The following HSD17B12 variants were observed in gnomAD, a reference collection of about 807,000 sequenced individuals.
The protein encoded by HSD17B12 is hydroxysteroid 17-beta dehydrogenase 12.
Under a neutral mutation model 39.3 loss-of-function variants are expected in HSD17B12, and 32 were observed. That is an observed-to-expected ratio of 0.81 (90% CI 0.61 to 1.09). The LOEUF (loss-of-function observed/expected upper bound fraction) is 1.09, where lower values mean the gene tolerates loss of function less well. Among genes scored for constraint, HSD17B12 ranks in the 50% least tolerant of loss-of-function variants. The pLI is 0.00. For missense variants in HSD17B12, 342 were observed against 382.9 expected (o/e 0.89, Z 0.89); for synonymous variants, 150 against 146.7 (o/e 1.02, Z -0.16).
At chr11:43,580,737 C>T in the HSD17B12 span, among the ~76,000 whole-genome samples, 8 of 151,730 alleles carry the variant, frequency 5.3e-5, no homozygotes, top group Admixed American at 4.6e-4. Flanking sequence ...TTGGCAACAA[C>T]AATATTTTAA....
At chr11:43,616,407 T>TAAA in the HSD17B12 span, among the ~76,000 whole-genome samples, 93 of 63,560 alleles carry the variant, frequency 1.5e-3, 4 homozygotes, top group Non-Finnish European at 1.8e-3. Context: ...AGACTCCATC[T>TAAA]AAAAAAAAAA....
intron 6 of HSD17B12, among the ~76,000 whole-genome samples, chr11:43,822,258 T>C (rs1387940831): frequency 6.6e-6 from 1 of 152,236 alleles, no homozygotes; most frequent in Non-Finnish European, 1.5e-5. Context: ...TTGCTTTATT[T>C]GGGAATGGGG....
chr11:43,559,904 A>T, the HSD17B12 span, among the ~76,000 whole-genome samples: 1 of 152,172 alleles, frequency 6.6e-6, no homozygotes, highest in African/African-American at 2.4e-5. Flanking sequence ...TGGTTATAGA[A>T]TTCATGGAAC....
the HSD17B12 span, among the ~76,000 whole-genome samples, chr11:43,663,379 C>T: frequency 2.0e-5 from 3 of 152,126 alleles, no homozygotes; most frequent in Admixed American, 6.5e-5. Flanking sequence ...AGATTACTGG[C>T]GTGAGCCACC....
At chr11:43,777,112 T>C (rs1176319448) in intron 3 of HSD17B12, among the ~76,000 whole-genome samples, 10 of 152,158 alleles carry the variant, frequency 6.6e-5, no homozygotes, top group Middle Eastern at 3.4e-3. Flanking sequence ...TCCATATGAA[T>C]TTTAAAGTAG....
chr11:43,685,990 T>C (rs1949794554), intron 1 of HSD17B12, among the ~76,000 whole-genome samples: 3 of 152,318 alleles, frequency 2.0e-5, no homozygotes, highest in Admixed American at 6.5e-5. Flanking sequence ...AATCTTGTCG[T>C]ATGAGAAAAT....
At chr11:43,675,716 T>C (rs1341494086), upstream of HSD17B12, among the ~76,000 whole-genome samples, 1 of 151,994 alleles carries the variant, frequency 6.6e-6, no homozygotes, top group African/African-American at 2.4e-5. Context: ...AAAATGCTTG[T>C]GATTTGAATT....
chr11:43,794,092 G>A (rs1950894386), intron 3 of HSD17B12, among the ~76,000 whole-genome samples: 1 of 152,180 alleles, frequency 6.6e-6, no homozygotes. Flanking sequence ...ACTAGGCTGA[G>A]AGGCAGTTGG....
In HSD17B12 at chr11:43,856,288, G is replaced by T. The variant is rs11555765; in HGVS notation, c.*1040G>T. ...TGACTTTTATCCTGCTTCATAACTT[G>T]TATGGAGAACTCACCAAGAAAGAAT... On this transcript the variant is annotated 3_prime_UTR_variant, in exon 11 of 11. Coordinates refer to ENST00000278353, the MANE Select transcript of HSD17B12 (RefSeq NM_016142.3). The T allele has an allele frequency of 1.2e-4, 19 of 152,198 alleles. No homozygotes were observed. Among genetic ancestry groups the T allele is most frequent in the African/African-American group, 4.6e-4 (19 of 41,526 alleles). The allele number at this position is 152,198 out of a possible 1,614,324, so 9.4% of individuals were successfully genotyped here.
intron 7 of HSD17B12, among the ~76,000 whole-genome samples, chr11:43,832,151 C>A (rs912730443): frequency 6.6e-6 from 1 of 152,120 alleles, no homozygotes; most frequent in Admixed American, 6.6e-5. Flanking sequence ...TGGGAGTGGA[C>A]CCCTGATGGT....
the HSD17B12 span, among the ~76,000 whole-genome samples, chr11:43,651,283 C>T: frequency 6.6e-6 from 1 of 152,102 alleles, no homozygotes; most frequent in Non-Finnish European, 1.5e-5. Context: ...GTGCTGTGAA[C>T]CAAGACATAT....
chr11:43,604,180 A>T, the HSD17B12 span, among the ~76,000 whole-genome samples: 2 of 152,210 alleles, frequency 1.3e-5, no homozygotes, highest in Non-Finnish European at 2.9e-5. Context: ...CTTTAAAAAT[A>T]AAACATAATT....
At chr11:43,566,656 A>G in the HSD17B12 span, among the ~76,000 whole-genome samples, 1 of 151,920 alleles carries the variant, frequency 6.6e-6, no homozygotes, top group Non-Finnish European at 1.5e-5. Context: ...CAGCCTCCCA[A>G]GTAGCTGTGA....
chr11:43,606,559 TACTTTGAATACAA>T, the HSD17B12 span, among the ~76,000 whole-genome samples: 15 of 152,380 alleles, frequency 9.8e-5, no homozygotes, highest in African/African-American at 3.6e-4. Context: ...TCATTGTCTT[TACTTTGAATACAA>T]AGAGCTTGAC....
At chr11:43,652,574 A>G in the HSD17B12 span, among the ~76,000 whole-genome samples, 2 of 152,056 alleles carry the variant, frequency 1.3e-5, no homozygotes, top group Non-Finnish European at 2.9e-5. Flanking sequence ...CTGACCAACC[A>G]TGTTCAAGAT....
chr11:43,814,542 G>A (rs1951103282), intron 4 of HSD17B12, among the ~76,000 whole-genome samples: 1 of 152,058 alleles, frequency 6.6e-6, no homozygotes, highest in Admixed American at 6.6e-5. Flanking sequence ...TAGGATATTT[G>A]AGTATTAAAA....
intron 3 of HSD17B12, among the ~76,000 whole-genome samples, chr11:43,793,826 G>C (rs556482867): frequency 6.6e-6 from 1 of 152,346 alleles, no homozygotes; most frequent in Admixed American, 6.5e-5. Flanking sequence ...TGATGGAATG[G>C]CTTGAGGCCA....
intron 3 of HSD17B12, among the ~76,000 whole-genome samples, chr11:43,780,990 C>T (rs1950759970): frequency 6.6e-6 from 1 of 152,196 alleles, no homozygotes; most frequent in South Asian, 2.1e-4. Flanking sequence ...TATGTGCATG[C>T]AGACTAGTCG....
chr11:43,661,019 A>G, the HSD17B12 span, among the ~76,000 whole-genome samples: 32 of 152,230 alleles, frequency 2.1e-4, no homozygotes, highest in African/African-American at 7.5e-4. Context: ...TGGCTACCCC[A>G]GAGGCTGAGG....
Sources: allele counts gnomAD v4.1 joint callset (sites outside exome capture counted in the v4.1 genomes callset), GRCh38; gene constraint gnomAD v4.1.1; transcripts MANE v1.5; gene names NCBI Gene and HGNC (gene_info 2026-07-23, HGNC 2026-07-21).